The following TP53I13 variants were observed in gnomAD, a reference collection of about 807,000 sequenced individuals.
TP53I13 encodes tumor protein p53 inducible protein 13.
TP53I13 carries 27 observed loss-of-function variants against 39.1 expected under a neutral mutation model. That is an observed-to-expected ratio of 0.69 (90% CI 0.51 to 0.95). The LOEUF is 0.95. Ranked by LOEUF, TP53I13 falls within the 40% of genes least tolerant of loss-of-function variation. The pLI, the probability that TP53I13 is intolerant of heterozygous loss-of-function variation, is 0.00. For missense variants in TP53I13, 544 were observed against 520.4 expected, an observed-to-expected ratio of 1.05 and a Z score of -0.44; for synonymous variants, 230 against 224.6, an observed-to-expected ratio of 1.02 and a Z score of -0.22.
the TP53I13 span, chr17:29,578,246 A>G: frequency 7.0e-7 from 1 of 1,427,972 alleles, no homozygotes; most frequent in East Asian, 2.3e-5. Flanking sequence ...CCAGAGACCC[A>G]TGCCTGGGCC....
At chr17:29,576,500 C>T, downstream of TP53I13, 1 of 1,613,428 alleles carries the variant, frequency 6.2e-7, no homozygotes, top group South Asian at 1.1e-5. Flanking sequence ...GGCTCCCCCT[C>T]CCACCGAGGC....
chr17:29,567,571 G>C (rs1377440775), upstream of TP53I13: 2 of 152,118 alleles, frequency 1.3e-5, no homozygotes, highest in Non-Finnish European at 2.9e-5. This position sits in a 1 kb window ranked among gnomAD's most constrained non-coding sequence, Gnocchi z 6.6. Flanking sequence ...GAGAGGTCGA[G>C]CGCGGCGTCT....
At chr17:29,574,869 C>T (rs758906145), downstream of TP53I13, 11 of 1,587,268 alleles carry the variant, frequency 6.9e-6, no homozygotes, top group East Asian at 2.3e-5. Flanking sequence ...TAGGCGCTGG[C>T]GTTGAGCAGC....
the TP53I13 span, among the ~76,000 whole-genome samples, chr17:29,580,191 G>T: frequency 1.3e-5 from 2 of 152,242 alleles, no homozygotes; most frequent in African/African-American, 4.8e-5. Flanking sequence ...TGCTCCCAGT[G>T]CCAAGAGCAG....
chr17:29,571,049 A>G (rs1250026158), intron 3 of TP53I13: 1 of 153,250 alleles, frequency 6.5e-6, no homozygotes, highest in Non-Finnish European at 1.5e-5. Flanking sequence ...AGTTTCTCAC[A>G]CACTCCTTGC....
At chr17:29,575,819 C>T (rs750445419), downstream of TP53I13, 9 of 1,612,468 alleles carry the variant, frequency 5.6e-6, no homozygotes, top group South Asian at 5.5e-5. The surrounding 1 kb of genome is among the most constrained non-coding windows in gnomAD (Gnocchi z 5.5). Flanking sequence ...TACCGTGTGG[C>T]GGCTTCCCTC....
downstream of TP53I13, chr17:29,576,548 C>G (rs768304367): frequency 6.2e-7 from 1 of 1,613,848 alleles, no homozygotes; most frequent in African/African-American, 1.3e-5. Flanking sequence ...CGGAGCTCGT[C>G]GCTCAGGCTA....
chr17:29,579,968 G>T, the TP53I13 span, among the ~76,000 whole-genome samples: 1 of 152,098 alleles, frequency 6.6e-6, no homozygotes, highest in African/African-American at 2.4e-5. Context: ...TCTCCAGCTC[G>T]TCTCTATCCC....
At chr17:29,567,397 A>C (rs919964353), upstream of TP53I13, 1 of 151,788 alleles carries the variant, frequency 6.6e-6, no homozygotes, top group Non-Finnish European at 1.5e-5. The surrounding 1 kb of genome is among the most constrained non-coding windows in gnomAD (Gnocchi z 6.6). Context: ...CGATGAAAAG[A>C]AGCAGAAGGG....
Position 29,569,177 on chromosome 17 carries a change from T to G in TP53I13, c.141+91T>G, listed in dbSNP as rs926978932. Reference sequence around the variant, plus strand: ...CGCCGCACCCTCCACAGTCACCATCTGAGGACCTCTGCCGGTTCCTCAGTC... The same window carrying G: ...CGCCGCACCCTCCACAGTCACCATCGGAGGACCTCTGCCGGTTCCTCAGTC... On this transcript the variant is annotated intron_variant, in intron 2 of 6. Transcript: ENST00000301057. 6 of 1,491,654 alleles carry G rather than the reference T, an allele frequency of 4.0e-6. No homozygotes were observed. The East Asian group carries it at 1.4e-4, about 36-fold the overall frequency. 92.4% of individuals were successfully genotyped at this position (1,491,654 alleles called of 1,614,324 possible).
Position 29,573,038 on chromosome 17 carries a change from C to A in TP53I13, c.*114C>A. The A allele has an allele frequency of 1.2e-6, 1 of 842,802 alleles. No individual in the cohort carries two copies. The allele number at this position is 842,802 out of a possible 1,614,324, so 52.2% of individuals were successfully genotyped here. A position where few individuals can be genotyped will look rare whatever the true frequency, so the allele number is the denominator to read the frequency against. On this transcript the variant is annotated 3_prime_UTR_variant, in exon 7 of 7. Coordinates refer to ENST00000301057, the MANE Select transcript of TP53I13 (RefSeq NM_138349.4). The stretch of plus-strand genomic sequence containing the variant: ...CCTGGTGGCGATGGCGCGGCACTGG[C>A]CGAGCACTGCGGGGGCTTTCCTCCT...
Position 29,569,305 on chromosome 17 carries a change from T to TC in TP53I13, c.142-9dup. 6.2e-7 allele frequency: 1 copy of TC among 1,613,758 alleles called. No individual in the cohort carries two copies. The highest frequency in any genetic ancestry group is 8.5e-7 in the Non-Finnish European group (1 of 1,179,852). The stretch of plus-strand genomic sequence containing the variant: ...CCCAACTGCCCTAAGCTCTGTTCTT[T>TC]CCCCATGTATAGGTGTCACCAAGAG... On this transcript the variant is annotated splice_polypyrimidine_tract_variant and intron_variant, in intron 2 of 6. Coordinates refer to ENST00000301057, the MANE Select transcript of TP53I13 (RefSeq NM_138349.4).
At chr17:29,577,243 C>A, downstream of TP53I13, 1 of 1,613,492 alleles carries the variant, frequency 6.2e-7, no homozygotes, top group South Asian at 1.1e-5. Flanking sequence ...CAGCTTTTGT[C>A]GCCCCTGCAA....
At chr17:29,571,239 A>G (rs972345482) in intron 3 of TP53I13, 1 of 289,266 alleles carries the variant, frequency 3.5e-6, no homozygotes, top group Non-Finnish European at 6.6e-6. Flanking sequence ...GATTGGATCG[A>G]TGGTCTTCAT....
the TP53I13 span, chr17:29,578,843 G>T: frequency 2.8e-5 from 44 of 1,563,826 alleles, no homozygotes; most frequent in Admixed American, 7.3e-4. Flanking sequence ...CCAGGCCCAT[G>T]CCAGCAACCT....
At position 29,571,967 on chromosome 17, in the gene TP53I13, G is replaced by C. The variant is rs1214242049; in HGVS notation, c.423G>C (p.Lys141Asn). ...GGAGGAGGAAGCAGAGGAAGAAGAAGGCATGGATCTACTGTGAAAGCCTTT... is the reference window on the plus strand; with the variant it reads ...GGAGGAGGAAGCAGAGGAAGAAGAACGCATGGATCTACTGTGAAAGCCTTT... The part of the protein sequence containing the change: ...RRRRRKQRKK[K>N]AWIYCESLSG... The change falls in exon 5 of 7, where the codon AAG (lysine) becomes AAC (asparagine). Residue 141 changes from lysine (K) to asparagine (N), a missense_variant. Lys to Asn is a moderately conservative substitution (Grantham distance 94). Coordinates refer to ENST00000301057, the MANE Select transcript of TP53I13 (RefSeq NM_138349.4). 6.2e-7 allele frequency: 1 copy of C among 1,613,150 alleles called. No individual in the cohort carries two copies.
chr17:29,579,819 T>G, the TP53I13 span, among the ~76,000 whole-genome samples: 6 of 151,948 alleles, frequency 3.9e-5, no homozygotes, highest in Non-Finnish European at 8.8e-5. Context: ...CCAGGAGAGA[T>G]AACCAAGGCT....
chr17:29,573,996 G>T (rs533209861), downstream of TP53I13: 1 of 152,472 alleles, frequency 6.6e-6, no homozygotes, highest in Non-Finnish European at 1.5e-5. Flanking sequence ...CACTGCTCTG[G>T]TCCCCTCACC....
downstream of TP53I13, chr17:29,574,022 T>G (rs551310676): frequency 2.6e-5 from 4 of 152,226 alleles, no homozygotes; most frequent in South Asian, 2.1e-4. Flanking sequence ...AAACTCCAGA[T>G]GGACCAGGCC....
Sources: allele counts gnomAD v4.1 joint callset (sites outside exome capture counted in the v4.1 genomes callset), GRCh38; gene constraint gnomAD v4.1.1; non-coding constraint Gnocchi (gnomAD v3.1); transcripts MANE v1.5; gene names NCBI Gene and HGNC (gene_info 2026-07-23, HGNC 2026-07-21).